Variants in COL24A1 observed in about 807,000 individuals in gnomAD.
The protein encoded by COL24A1 is collagen alpha-1(XXIV) chain.
In COL24A1, 224 loss-of-function variants were observed where a neutral mutation model predicts 253.9. The observed-to-expected ratio is 0.88, with a 90% CI of 0.79 to 0.99. The LOEUF is 0.99. Among genes scored for constraint, COL24A1 ranks in the 50% least tolerant of loss-of-function variants. COL24A1 has a pLI of 0.00. For missense variants in COL24A1, 2,131 were observed against 2,068.5 expected, an observed-to-expected ratio of 1.03 and a Z score of -0.59; for synonymous variants, 685 against 673.7, an observed-to-expected ratio of 1.02 and a Z score of -0.26.
chr1:86,050,125 C>T lies in COL24A1; in HGVS notation c.1904G>A (p.Arg635Gln), dbSNP rs75596213. 1.2e-3 allele frequency: 2,010 copies of T among 1,612,950 alleles called. 25 individuals are homozygous for T. The African/African-American group carries it at 0.024, about 19-fold the overall frequency. The change falls in exon 11 of 60, where the codon CGG becomes CAG. Residue 635 changes from arginine (R) to glutamine (Q), a missense_variant and splice_region_variant. Transcript: ENST00000370571. Reference protein sequence around the residue: ...EAGQLGPEGERGIPGIRGKKG... With the variant: ...EAGQLGPEGEQGIPGIRGKKG... ...ACTATTTGAAGGGAATGGACTTACC[C>T]GTTCTCCTTCAGGTCCCAGTTGTCC... is the stretch of plus-strand genomic sequence containing the variant.
intron 32 of COL24A1, among the ~76,000 whole-genome samples, chr1:85,884,660 C>T (rs1048081641): frequency 4.6e-5 from 7 of 152,110 alleles, no homozygotes; most frequent in South Asian, 4.1e-4. Context: ...CAGCTGAAGG[C>T]TAGAGGGAGG....
At chr1:85,736,106 A>G in intron 58 of COL24A1, 1 of 317,772 alleles carries the variant, frequency 3.1e-6, no homozygotes, top group South Asian at 2.8e-5. Flanking sequence ...CTAATCTGGC[A>G]TGGTTGTTAT....
chr1:85,867,213 A>G (rs1239393921), intron 37 of COL24A1, among the ~76,000 whole-genome samples: 2 of 152,200 alleles, frequency 1.3e-5, no homozygotes, highest in Non-Finnish European at 2.9e-5. Flanking sequence ...GTTAGAAACC[A>G]GAGGAAAAGA....
Position 86,059,139 on chromosome 1 carries a change from G to C in COL24A1, c.1788C>G (p.Pro596=), listed in dbSNP as rs369612216. ...ACTGCACCTGCCTGCCAGGGTAACC[G>C]GGTGAACCAATATTACCAGCAAATC... The part of the protein sequence containing the change: ...IPGFAGNIGS[P]GYPGRQGLAG... Residue 596 remains proline (P), a synonymous_variant, in exon 9 of 60, where the codon CCC becomes CCG. Coordinates refer to ENST00000370571, the MANE Select transcript of COL24A1 (RefSeq NM_152890.7). 2 of 1,610,900 alleles carry C rather than the reference G, an allele frequency of 1.2e-6. No homozygotes were observed.
At chr1:85,730,890 C>T (rs1168465739) in intron 59 of COL24A1, among the ~76,000 whole-genome samples, 198 bp from the exon 60 acceptor site, 1 of 152,156 alleles carries the variant, frequency 6.6e-6, no homozygotes, top group Non-Finnish European at 1.5e-5. Context: ...TCTAGAATGG[C>T]ACTGTCTGTT....
At chr1:86,154,713 C>G (rs1653260618) in intron 1 of COL24A1, 1 of 152,718 alleles carries the variant, frequency 6.5e-6, no homozygotes, top group Non-Finnish European at 1.5e-5. Flanking sequence ...TGGTTGGTCA[C>G]AACTACCAAG....
chr1:86,019,554 T>C (rs1435998314), intron 18 of COL24A1, among the ~76,000 whole-genome samples: 1 of 139,270 alleles, frequency 7.2e-6, no homozygotes, highest in Non-Finnish European at 1.6e-5. Flanking sequence ...GGAGGCCCTG[T>C]CTCTAAAAAT....
intron 10 of COL24A1, among the ~76,000 whole-genome samples, chr1:86,052,144 G>A (rs1338731383): frequency 3.9e-5 from 6 of 151,946 alleles, no homozygotes; most frequent in Admixed American, 3.9e-4. Flanking sequence ...TTGAAGTAGA[G>A]ATACAGTAGG....
chr1:85,849,219 G>C (rs939182526), intron 38 of COL24A1, 134 bp downstream of exon 38: 2 of 470,656 alleles, frequency 4.2e-6, no homozygotes, highest in Non-Finnish European at 7.5e-6. Flanking sequence ...TTATATAAAT[G>C]TATCTTTTAA....
intron 43 of COL24A1, among the ~76,000 whole-genome samples, chr1:85,835,153 C>T (rs937863803): frequency 1.3e-5 from 2 of 151,994 alleles, no homozygotes; most frequent in Admixed American, 6.6e-5. Context: ...TGGAGTCTTG[C>T]TCTGTTGCCA....
At chr1:86,041,611 C>T (rs1038682087) in intron 12 of COL24A1, among the ~76,000 whole-genome samples, 4 of 152,076 alleles carry the variant, frequency 2.6e-5, no homozygotes, top group African/African-American at 4.8e-5. Flanking sequence ...TATAAGAAAT[C>T]TAAAGTTATC....
At chr1:85,918,173 T>C (rs1686088623) in intron 24 of COL24A1, among the ~76,000 whole-genome samples, 1 of 152,090 alleles carries the variant, frequency 6.6e-6, no homozygotes, top group African/African-American at 2.4e-5. Context: ...GGATCTTGTT[T>C]AAGAAAGCTT....
intron 6 of COL24A1, 54 bp from the exon 7 acceptor site, chr1:86,089,281 T>C: frequency 5.0e-5 from 59 of 1,184,922 alleles, no homozygotes; most frequent in Non-Finnish European, 6.7e-5. Context: ...AAAATTAGAA[T>C]TCTCTTGAAA....
At chr1:85,830,870 AATCACCTG>A (rs1271920136) in intron 43 of COL24A1, among the ~76,000 whole-genome samples, 1 of 152,082 alleles carries the variant, frequency 6.6e-6, no homozygotes, top group Non-Finnish European at 1.5e-5. Flanking sequence ...GAAATGCAGA[AATCACCTG>A]TCTTCTGCGT....
intron 31 of COL24A1, 121 bp downstream of exon 31, chr1:85,895,737 A>C (rs1355914793): frequency 2.6e-6 from 2 of 764,434 alleles, no homozygotes; most frequent in East Asian, 5.4e-5. Context: ...ATCACATTGT[A>C]TACTGCAAAT....
At chr1:85,788,898 C>G (rs1167992749) in intron 47 of COL24A1, among the ~76,000 whole-genome samples, 1 of 152,120 alleles carries the variant, frequency 6.6e-6, no homozygotes, top group East Asian at 1.9e-4. Flanking sequence ...TCTGAGTTCT[C>G]TATTCTGGTC....
intron 2 of COL24A1, among the ~76,000 whole-genome samples, chr1:86,128,080 C>T (rs2102285923): frequency 6.6e-6 from 1 of 152,106 alleles, no homozygotes; most frequent in East Asian, 1.9e-4. Flanking sequence ...ATATGCACCT[C>T]CAGGAATTTA....
rs140645285 is a variant in COL24A1, at chr1:85,787,080, T to A, written c.3952-619A>T. Among the ~76,000 whole-genome samples, 368 of 152,290 alleles carry A rather than the reference T, an allele frequency of 2.4e-3. 1 individual carries two copies. Among genetic ancestry groups the A allele is most frequent in the Non-Finnish European group, 4.0e-3 (274 of 68,024 alleles). On this transcript the variant is annotated intron_variant, in intron 47 of 59. Transcript: ENST00000370571. ...TACTTAAAGACATGGAAAAATTCTA[T>A]GAAATTAAAATTTCAGTATGTATTA...
intron 55 of COL24A1, among the ~76,000 whole-genome samples, chr1:85,745,891 A>G (rs890310592): frequency 6.6e-6 from 1 of 152,198 alleles, no homozygotes; most frequent in African/African-American, 2.4e-5. Context: ...TAACAGTTAC[A>G]TTCTTGGAAG....
Sources: allele counts gnomAD v4.1 joint callset (sites outside exome capture counted in the v4.1 genomes callset), GRCh38; gene constraint gnomAD v4.1.1; transcripts MANE v1.5; gene names NCBI Gene and HGNC (gene_info 2026-07-23, HGNC 2026-07-21).